The following C17orf78 variants were observed in gnomAD, a reference collection of about 807,000 sequenced individuals.
C17orf78 encodes chromosome 17 open reading frame 78.
C17orf78 carries 27 observed loss-of-function variants against 31.8 expected under a neutral mutation model. The ratio of observed to expected loss-of-function variants is 0.85; its 90% CI spans 0.63 to 1.17. The LOEUF (loss-of-function observed/expected upper bound fraction) is 1.17. Among genes scored for constraint, C17orf78 ranks in the 50% most tolerant of loss-of-function variants. The probability of loss-of-function intolerance (pLI) is 0.00; values close to 1 mark genes in which losing one functional copy is unlikely to be tolerated. For missense variants in C17orf78, 258 were observed against 315.2 expected, an observed-to-expected ratio of 0.82 and a Z score of 1.37; for synonymous variants, 106 against 115.1, an observed-to-expected ratio of 0.92 and a Z score of 0.51.
At chr17:37,386,167 A>T (rs1401933190) in intron 4 of C17orf78, 42 bp downstream of exon 4, 1 of 1,307,932 alleles carries the variant, frequency 7.6e-7, no homozygotes, top group South Asian at 1.3e-5. Context: ...CAGAATAAGT[A>T]GGAGTAAAAT....
At chr17:37,386,166 T>A (rs2050520653) in intron 4 of C17orf78, 41 bp downstream of exon 4, 2 of 1,310,496 alleles carry the variant, frequency 1.5e-6, no homozygotes, top group Admixed American at 2.2e-5. Context: ...ACAGAATAAG[T>A]AGGAGTAAAA....
chr17:37,385,110 C>T (rs2050467772), intron 3 of C17orf78, among the ~76,000 whole-genome samples: 1 of 152,128 alleles, frequency 6.6e-6, no homozygotes, highest in African/African-American at 2.4e-5. Flanking sequence ...GGCCTCCTAA[C>T]AGGTTACCCT....
At chr17:37,389,210 C>T (rs1243291657) in intron 5 of C17orf78, 36 bp from the exon 6 acceptor site, 1 of 1,548,456 alleles carries the variant, frequency 6.5e-7, no homozygotes, top group South Asian at 1.2e-5. Flanking sequence ...GCTTACCAGC[C>T]ACTTCATATT....
chr17:37,386,478 G>A (rs924667985), intron 4 of C17orf78, among the ~76,000 whole-genome samples: 1 of 152,066 alleles, frequency 6.6e-6, no homozygotes, highest in African/African-American at 2.4e-5. Context: ...TGTAACCCCA[G>A]CTACTTGAGA....
In C17orf78 at chr17:37,386,069, C is replaced by T. The variant is rs765382130; in HGVS notation, c.452C>T (p.Thr151Ile). Residue 151 changes from threonine to isoleucine, a missense_variant, in exon 4 of 7, where the codon ACC (threonine) becomes ATC (isoleucine). Thr to Ile is a moderately conservative substitution (Grantham distance 89, BLOSUM62 -1). Transcript: ENST00000615133. ...GGGGCTTCATCAGAGACTTTTCCCA[C>T]CACTGCCCCTTCTATAACTCCTGGG... Reference protein sequence around the residue: ...VLGASSETFPTTAPSITPGNK... With the variant: ...VLGASSETFPITAPSITPGNK... 1 of 1,606,148 alleles carries T rather than the reference C, an allele frequency of 6.2e-7. No individual in the cohort carries two copies. Among genetic ancestry groups the T allele is most frequent in the Admixed American group, 1.7e-5 (1 of 59,652 alleles).
chr17:37,390,250 A>AAT (rs2050765716), intron 6 of C17orf78, among the ~76,000 whole-genome samples: 2 of 34,782 alleles, frequency 5.8e-5, no homozygotes, highest in African/African-American at 4.7e-4. Flanking sequence ...TATTATATAT[A>AAT]TATTATATAT....
intron 2 of C17orf78, among the ~76,000 whole-genome samples, chr17:37,378,645 G>A (rs528371626): frequency 5.3e-5 from 8 of 152,320 alleles, no homozygotes; most frequent in African/African-American, 1.7e-4. Context: ...CCAGAGAGGC[G>A]GAGGTTGCAG....
intron 3 of C17orf78, among the ~76,000 whole-genome samples, chr17:37,385,259 G>A (rs2050475273): frequency 6.6e-6 from 1 of 152,102 alleles, no homozygotes; most frequent in Non-Finnish European, 1.5e-5. Flanking sequence ...ATCACTTGAG[G>A]TCAGGAGTTT....
Position 37,376,030 on chromosome 17 carries a change from G to A in C17orf78, c.-63G>A. ...TGTGGTGAAAGCAACTAGAGGCAGA[G>A]CTATCAAGGGCTGTGACAGATGAGC... On this transcript the variant is annotated 5_prime_UTR_variant, in exon 1 of 7. Transcript: ENST00000615133. 7.1e-7 allele frequency: 1 copy of A among 1,410,254 alleles called. No individual in the cohort carries two copies. The highest frequency in any genetic ancestry group is 2.3e-5 in the East Asian group (1 of 43,656). The allele number at this position is 1,410,254 out of a possible 1,614,324, so 87.4% of individuals were successfully genotyped here.
chr17:37,377,814 C>T, intron 1 of C17orf78, 65 bp from the exon 2 acceptor site: 2 of 1,280,188 alleles, frequency 1.6e-6, no homozygotes, highest in South Asian at 1.2e-5. Flanking sequence ...AAAGTAAGTA[C>T]CAGTAAATTC....
chr17:37,384,895 G>A (rs897308410), intron 3 of C17orf78, among the ~76,000 whole-genome samples: 5 of 152,166 alleles, frequency 3.3e-5, no homozygotes, highest in African/African-American at 1.2e-4. Context: ...ATTTAGAAAA[G>A]TCAAGTAGAA....
intron 4 of C17orf78, among the ~76,000 whole-genome samples, 171 bp from the exon 5 acceptor site, chr17:37,388,499 C>T (rs1046516044): frequency 1.4e-5 from 2 of 141,476 alleles, no homozygotes. Flanking sequence ...GCTCAGCTCA[C>T]CCTCACACCC....
At chr17:37,388,816 A>ATCCTTGAACT (rs774289766) in intron 5 of C17orf78, 22 bp downstream of exon 5, 1 of 1,611,954 alleles carries the variant, frequency 6.2e-7, no homozygotes, top group Admixed American at 1.7e-5. Context: ...GTTGTATTGA[A>ATCCTTGAACT]TCCTTGAACT....
In C17orf78 at chr17:37,389,850, G is replaced by C. The variant is rs1160876683; in HGVS notation, c.750+488G>C. Among the ~76,000 whole-genome samples the C allele has an allele frequency of 2.0e-5, 3 of 151,500 alleles. No homozygotes were observed. The East Asian group carries it at 5.8e-4, about 29-fold the overall frequency. On this transcript the variant is annotated intron_variant, in intron 6 of 6. Coordinates refer to ENST00000615133, the MANE Select transcript of C17orf78 (RefSeq NM_173625.5). ...AATGTGGGCAATCCTTCTTATGTCAGGAAATAGGTAGGATTTTATCCTACT... is the reference window on the plus strand; with the variant it reads ...AATGTGGGCAATCCTTCTTATGTCACGAAATAGGTAGGATTTTATCCTACT...
In C17orf78 at chr17:37,392,047, T is replaced by C. The variant is rs2050906683; in HGVS notation, c.*323T>C. ...TTTGACAGAAGACTCAAACACAGCC[T>C]CTAAGAAACAAGGCAGCTGTTAGTG... On this transcript the variant is annotated 3_prime_UTR_variant, in exon 7 of 7. Coordinates refer to ENST00000615133, the MANE Select transcript of C17orf78 (RefSeq NM_173625.5). The C allele has an allele frequency of 3.6e-6, 1 of 276,946 alleles. No homozygotes were observed. The highest frequency in any genetic ancestry group is 6.4e-5 in the East Asian group (1 of 15,724). 17.2% of individuals were successfully genotyped at this position (276,946 alleles called of 1,614,324 possible).
chr17:37,391,922 A>G lies in C17orf78; in HGVS notation c.*198A>G. ...CCTATCTGAGCCACAACCTTCTGTA[A>G]TTCACTTCATACATCCATCTAAATG... is the stretch of plus-strand genomic sequence containing the variant. On this transcript the variant is annotated 3_prime_UTR_variant, in exon 7 of 7. Coordinates refer to ENST00000615133, the MANE Select transcript of C17orf78 (RefSeq NM_173625.5). 1.7e-6 allele frequency: 1 copy of G among 589,870 alleles called. No individual in the cohort carries two copies. The highest frequency in any genetic ancestry group is 2.8e-5 in the East Asian group (1 of 36,280). 36.5% of individuals were successfully genotyped at this position (589,870 alleles called of 1,614,324 possible). A position where few individuals can be genotyped will look rare whatever the true frequency, so the allele number is the denominator to read the frequency against.
chr17:37,376,004 G>A lies in C17orf78; in HGVS notation c.-89G>A, dbSNP rs1203963944. On this transcript the variant is annotated 5_prime_UTR_variant, in exon 1 of 7. The change creates a new upstream start codon in the 5' untranslated region. Transcript: ENST00000615133. ...CAGGGTCAAACTTGGTTCCAGCTGC[G>A]TGTGGTGAAAGCAACTAGAGGCAGA... 23 of 1,127,664 alleles carry A rather than the reference G, an allele frequency of 2.0e-5. No homozygotes were observed. The highest frequency in any genetic ancestry group is 3.1e-5 in the African/African-American group (2 of 65,398). The allele number at this position is 1,127,664 out of a possible 1,614,324, so 69.9% of individuals were successfully genotyped here.
Position 37,379,195 on chromosome 17 carries a change from G to A in C17orf78, c.204G>A (p.Leu68=). 6.2e-7 allele frequency: 1 copy of A among 1,613,980 alleles called. No homozygotes were observed. The highest frequency in any genetic ancestry group is 8.5e-7 in the Non-Finnish European group (1 of 1,179,864). The change falls in exon 3 of 7, where the codon CTG becomes CTA. Residue 68 remains leucine (L), a synonymous_variant. Coordinates refer to ENST00000615133, the MANE Select transcript of C17orf78 (RefSeq NM_173625.5). ...TTCAAAACCGGACTATAGCTACCCTGCAGTGCCTTGGCTCTGACAGCAAAG... is the reference window on the plus strand; with the variant it reads ...TTCAAAACCGGACTATAGCTACCCTACAGTGCCTTGGCTCTGACAGCAAAG... ...TFIQNRTIAT[L]QCLGSDSKVK...
In C17orf78 at chr17:37,379,252, G is replaced by A. The variant is rs2050139700; in HGVS notation, c.261G>A (p.Arg87=). The change falls in exon 3 of 7, where the codon AGG becomes AGA. Residue 87 remains arginine, a synonymous_variant. Coordinates refer to ENST00000615133, the MANE Select transcript of C17orf78 (RefSeq NM_173625.5). ...TCAACCTTGTATATTTGGAGAGAAG[G>A]CCAAAGGTCAAGCATATTTTGAAGA... is the stretch of plus-strand genomic sequence containing the variant. ...VKVNLVYLER[R]PKVKHILKNL... 3.0e-5 allele frequency: 48 copies of A among 1,613,976 alleles called. No individual in the cohort carries two copies. Among genetic ancestry groups the A allele is most frequent in the Non-Finnish European group, 4.1e-5 (48 of 1,179,892 alleles).
Sources: gnomAD v4.1 joint callset for allele counts (sites outside exome capture counted in the v4.1 genomes callset) on GRCh38, gnomAD v4.1.1 for gene constraint, MANE v1.5 for transcripts, NCBI Gene and HGNC (gene_info 2026-07-23, HGNC 2026-07-21) for gene names.